The following PCDHGA8 variants were observed in gnomAD, a reference collection of about 807,000 sequenced individuals.
PCDHGA8 encodes protocadherin gamma-A8.
A neutral mutation model predicts 59.2 loss-of-function variants in PCDHGA8; 45 were observed. That is an observed-to-expected ratio of 0.76 (90% CI 0.60 to 0.98). The LOEUF is 0.98. Ranked by LOEUF, PCDHGA8 falls within the 50% of genes least tolerant of loss-of-function variation. The pLI, the probability that PCDHGA8 is intolerant of heterozygous loss-of-function variation, is 0.00. For missense variants in PCDHGA8, 1,257 were observed against 1,196.2 expected (o/e 1.05, Z -0.75); for synonymous variants, 531 against 519.0 (o/e 1.02, Z -0.32).
chr5:141,495,434 G>A (rs1038100521), intron 2 of PCDHGA8, among the ~76,000 whole-genome samples: 2 of 152,196 alleles, frequency 1.3e-5, no homozygotes, highest in Non-Finnish European at 2.9e-5. Flanking sequence ...ACTGTCCTCT[G>A]CCCCTACTTG....
In PCDHGA8 at chr5:141,432,695, G is replaced by A. The variant is rs1275179569; in HGVS notation, c.2424+37458G>A. ...GCTCAAGCAGAGCCTCGTAGTGGCC[G>A]TCCAGGACCACGGCCAGCCCCCTCT... On this transcript the variant is annotated intron_variant, in intron 1 of 3. Coordinates refer to ENST00000398604, the MANE Select transcript of PCDHGA8 (RefSeq NM_032088.2). This position sits in a 1 kb window ranked among gnomAD's most constrained non-coding sequence, Gnocchi z 6.0. The A allele has an allele frequency of 3.1e-6, 5 of 1,613,822 alleles. No homozygotes were observed. The highest frequency in any genetic ancestry group is 1.7e-5 in the Admixed American group (1 of 60,002).
Position 141,490,397 on chromosome 5 carries a change from G to A in PCDHGA8, c.2425-4410G>A. 6.2e-7 allele frequency: 1 copy of A among 1,614,170 alleles called. No individual in the cohort carries two copies. Among genetic ancestry groups the A allele is most frequent in the South Asian group, 1.1e-5 (1 of 91,080 alleles). On this transcript the variant is annotated intron_variant, in intron 1 of 3. Coordinates refer to ENST00000398604, the MANE Select transcript of PCDHGA8 (RefSeq NM_032088.2). This position sits in a 1 kb window ranked among gnomAD's most constrained non-coding sequence, Gnocchi z 5.4. ...GACTCAGGTAGAAATGGTGAAGTGA[G>A]CCTTGATATCTCTCCGGACCTGCCA...
chr5:141,453,021 A>G (rs1008711775), intron 1 of PCDHGA8, among the ~76,000 whole-genome samples: 1 of 152,200 alleles, frequency 6.6e-6, no homozygotes, highest in Non-Finnish European at 1.5e-5. Context: ...TATGTGATTC[A>G]TTAAAATAAA....
chr5:141,443,848 G>A lies in PCDHGA8; in HGVS notation c.2424+48611G>A, dbSNP rs528933391. 2.6e-5 allele frequency among the ~76,000 whole-genome samples: 4 copies of A among 152,272 alleles called. No individual in the cohort carries two copies. The South Asian group carries it at 8.3e-4, about 32-fold the overall frequency. ...TTAGGTAAAATGGGTAATATGGAAA[G>A]TCTGAAAACTGAAAAAATTACTGAT... On this transcript the variant is annotated intron_variant, in intron 1 of 3. Transcript: ENST00000398604.
At chr5:141,421,718 G>C (rs778263773) in intron 1 of PCDHGA8, 1 of 1,613,966 alleles carries the variant, frequency 6.2e-7, no homozygotes, top group Middle Eastern at 1.7e-4. Context: ...CCAGATGTGG[G>C]CGTGAACTCC....
At chr5:141,438,997 C>T (rs2098080665) in intron 1 of PCDHGA8, among the ~76,000 whole-genome samples, 1 of 151,716 alleles carries the variant, frequency 6.6e-6, no homozygotes, top group Admixed American at 6.6e-5. Flanking sequence ...AGGCTAAGGA[C>T]CTGGTTTGTT....
At chr5:141,428,792 T>A (rs1590880161) in intron 1 of PCDHGA8, 1 of 152,978 alleles carries the variant, frequency 6.5e-6, no homozygotes, top group Middle Eastern at 3.4e-3. Flanking sequence ...TTCCTTTCTG[T>A]GTGGGCCAGT....
intron 1 of PCDHGA8, chr5:141,399,393 C>A: frequency 6.2e-7 from 1 of 1,613,976 alleles, no homozygotes; most frequent in Non-Finnish European, 8.5e-7. Flanking sequence ...CAGCCACAGA[C>A]AGGGGCAAGC....
At chr5:141,430,815 T>A in intron 1 of PCDHGA8, 1 of 1,535,252 alleles carries the variant, frequency 6.5e-7, no homozygotes, top group Non-Finnish European at 8.7e-7. Flanking sequence ...CTGGGAATCC[T>A]CCTGGGGACT....
intron 1 of PCDHGA8, among the ~76,000 whole-genome samples, chr5:141,463,088 C>T (rs768488458): frequency 6.6e-6 from 1 of 152,108 alleles, no homozygotes; most frequent in Non-Finnish European, 1.5e-5. Flanking sequence ...ATTTTCCAGC[C>T]CTATGTGACC....
chr5:141,478,637 G>A (rs1227108157), intron 1 of PCDHGA8: 2 of 1,552,684 alleles, frequency 1.3e-6, no homozygotes, highest in Non-Finnish European at 1.7e-6. Context: ...TTTTAGTGAT[G>A]AAGATGTTTT....
rs757663132 is a variant in PCDHGA8 at position 141,510,991 on chromosome 5, A to G, written c.2617A>G (p.Met873Val). ...CACCCTGGGAGGGGGTGCCGGCACC[A>G]TGGGATTGAGCGCCCGCTACGGACC... is the stretch of plus-strand genomic sequence containing the variant. ...SSTLGGGAGT[M>V]GLSARYGPQF... is the part of the protein sequence containing the mutation. Residue 873 changes from methionine (M) to valine (V), a missense_variant, in exon 4 of 4, where the codon ATG becomes GTG. Coordinates refer to ENST00000398604, the MANE Select transcript of PCDHGA8 (RefSeq NM_032088.2). 1.2e-6 allele frequency: 2 copies of G among 1,614,136 alleles called. No individual in the cohort carries two copies. Among genetic ancestry groups the G allele is most frequent in the Admixed American group, 3.3e-5 (2 of 60,022 alleles).
intron 1 of PCDHGA8, among the ~76,000 whole-genome samples, chr5:141,492,927 G>A (rs925569925): frequency 2.0e-5 from 3 of 152,180 alleles, no homozygotes; most frequent in Admixed American, 6.5e-5. Context: ...AGCGATCTAG[G>A]GTCAGAGATT....
intron 1 of PCDHGA8, among the ~76,000 whole-genome samples, chr5:141,445,554 C>T (rs898901856): frequency 3.3e-5 from 5 of 152,102 alleles, no homozygotes; most frequent in African/African-American, 1.2e-4. Context: ...TACAAAAGCA[C>T]TAAGAGAAAG....
intron 1 of PCDHGA8, chr5:141,426,796 T>C (rs1053668481): frequency 8.8e-6 from 4 of 456,720 alleles, no homozygotes. Context: ...AGTTACCAGC[T>C]CAGTTCTAAT....
intron 1 of PCDHGA8, chr5:141,478,344 A>G: frequency 6.2e-7 from 1 of 1,613,882 alleles, no homozygotes; most frequent in Non-Finnish European, 8.5e-7. Context: ...CCCTCCTTGC[A>G]CGCGGACGCC....
intron 3 of PCDHGA8, among the ~76,000 whole-genome samples, chr5:141,506,045 C>G (rs1379226123): frequency 6.6e-6 from 1 of 152,078 alleles, no homozygotes; most frequent in Non-Finnish European, 1.5e-5. Flanking sequence ...TCTGGTTTTC[C>G]CATAAGGTTG....
At chr5:141,454,931 C>T (rs2154564856) in intron 1 of PCDHGA8, among the ~76,000 whole-genome samples, 2 of 151,066 alleles carry the variant, frequency 1.3e-5, no homozygotes, top group South Asian at 4.2e-4. Context: ...CCTCAGCCTC[C>T]CGAGTAGCTG....
At chr5:141,430,383 G>A (rs527531595) in intron 1 of PCDHGA8, among the ~76,000 whole-genome samples, 74 of 138,604 alleles carry the variant, frequency 5.3e-4, no homozygotes, top group Admixed American at 8.6e-4. Flanking sequence ...AGCTCATTGG[G>A]AAAAAAAAAA....
Sources: allele counts gnomAD v4.1 joint callset (sites outside exome capture counted in the v4.1 genomes callset), GRCh38; gene constraint gnomAD v4.1.1; non-coding constraint Gnocchi (gnomAD v3.1); transcripts MANE v1.5; gene names NCBI Gene and HGNC (gene_info 2026-07-23, HGNC 2026-07-21).